Variants in KLHL25 observed in about 807,000 individuals in gnomAD.
The protein encoded by KLHL25 is kelch like family member 25.
A neutral mutation model predicts 30.0 loss-of-function variants in KLHL25; 41 were observed. The ratio of observed to expected loss-of-function variants is 1.37; its 90% CI spans 1.07 to 1.78. The LOEUF is 1.78. Ranked by LOEUF, KLHL25 falls within the 40% of genes most tolerant of loss-of-function variation. The probability of loss-of-function intolerance (pLI) is 0.00; values close to 1 mark genes in which losing one functional copy is unlikely to be tolerated. For missense variants in KLHL25, 971 were observed against 824.5 expected (o/e 1.18, Z -2.18); for synonymous variants, 399 against 355.3 (o/e 1.12, Z -1.38).
chr15:85,790,072 G>C (rs967062275), intron 1 of KLHL25, among the ~76,000 whole-genome samples: 3 of 152,160 alleles, frequency 2.0e-5, no homozygotes, highest in African/African-American at 7.2e-5. Flanking sequence ...GCTGGAACTA[G>C]AACCCCATTC....
rs1165287854 is a variant in KLHL25 at position 85,769,708 on chromosome 15, G to A, written c.103C>T (p.His35Tyr). 12 of 1,613,842 alleles carry A rather than the reference G, an allele frequency of 7.4e-6. No homozygotes were observed. In the African/African-American group the frequency reaches 9.3e-5, roughly 13 times the overall value. Reference sequence around the variant, plus strand: ...CAGTGCTTGCGAAGCGTGTTGAGGTGGGCCAGCACACAGTCCGGGTGGGAG... The same window carrying A: ...CAGTGCTTGCGAAGCGTGTTGAGGTAGGCCAGCACACAGTCCGGGTGGGAG... ...KASHPDCVLA[H>Y]LNTLRKHCMF... The change falls in exon 2 of 3, where the codon CAC (histidine) becomes TAC (tyrosine). Residue 35 changes from histidine to tyrosine, a missense_variant. Physicochemically the swap from His to Tyr is moderately conservative, Grantham distance 83. Coordinates refer to ENST00000337975, the MANE Select transcript of KLHL25 (RefSeq NM_022480.4).
chr15:85,788,553 G>GAAACC (rs1235171552), intron 1 of KLHL25, among the ~76,000 whole-genome samples: 1 of 151,972 alleles, frequency 6.6e-6, no homozygotes, highest in East Asian at 1.9e-4. Flanking sequence ...TTGAAATGAG[G>GAAACC]AAACCAACAG....
intron 1 of KLHL25, among the ~76,000 whole-genome samples, chr15:85,775,984 C>T (rs1234106287): frequency 2.0e-5 from 3 of 151,236 alleles, no homozygotes; most frequent in Non-Finnish European, 4.4e-5. Flanking sequence ...CCAGCCTGGC[C>T]AACATGGTGA....
At chr15:85,765,793 T>C (rs989836797) in intron 2 of KLHL25, among the ~76,000 whole-genome samples, 4 of 141,400 alleles carry the variant, frequency 2.8e-5, no homozygotes, top group African/African-American at 1.1e-4. Context: ...GATCGTACCC[T>C]GCACTCTAGC....
In KLHL25 at chr15:85,760,925, C is replaced by T. The variant is rs745422129; in HGVS notation, c.*111G>A. 1 of 152,402 alleles carries T rather than the reference C, an allele frequency of 6.6e-6. No individual in the cohort carries two copies. Among genetic ancestry groups the T allele is most frequent in the Admixed American group, 6.5e-5 (1 of 15,292 alleles). The allele number at this position is 152,402 out of a possible 1,614,324, so 9.4% of individuals were successfully genotyped here. ...CTCCCCAGAGCTGGCAGGGCCCCTT[C>T]CACCTCTCGGAGTGCTGGCCCAGGG... On this transcript the variant is annotated 3_prime_UTR_variant, in exon 3 of 3. Transcript: ENST00000337975.
rs561254606 is a variant in KLHL25 at position 85,759,820 on chromosome 15, C to T, written c.*1216G>A. On this transcript the variant is annotated 3_prime_UTR_variant, in exon 3 of 3. Transcript: ENST00000337975. The stretch of plus-strand genomic sequence containing the variant: ...CCCAAGTTTGGACACCCTGCCCAGT[C>T]CCTGTCAGGGCACCAACACCCCTCC... The T allele has an allele frequency of 2.0e-5, 3 of 152,438 alleles. No homozygotes were observed. In the South Asian group the frequency reaches 6.2e-4, roughly 32 times the overall value. The allele number at this position is 152,438 out of a possible 1,614,324, so 9.4% of individuals were successfully genotyped here.
chr15:85,782,424 G>A (rs985243240), intron 1 of KLHL25, among the ~76,000 whole-genome samples: 1 of 151,654 alleles, frequency 6.6e-6, no homozygotes, highest in Non-Finnish European at 1.5e-5. Flanking sequence ...AGCCTTCAAG[G>A]AGGCTTTCAC....
In KLHL25 at chr15:85,768,719, T is replaced by C. The variant is rs149365451; in HGVS notation, c.1092A>G (p.Val364=). The change falls in exon 2 of 3, where the codon GTA becomes GTG. Residue 364 remains valine, a synonymous_variant. Transcript: ENST00000337975. ...VSKDVWVYDT[V]HEEWSKAAPM... ...GCGCCGCCTTGGACCATTCCTCATG[T>C]ACGGTGTCGTACACCCAGACATCCT... 2.8e-4 allele frequency: 454 copies of C among 1,613,472 alleles called. 1 individual carries two copies. The highest frequency in any genetic ancestry group is 3.4e-4 in the Non-Finnish European group (405 of 1,179,946).
At chr15:85,763,098 C>T (rs1421479450) in intron 2 of KLHL25, 1 of 152,248 alleles carries the variant, frequency 6.6e-6, no homozygotes, top group Non-Finnish European at 1.5e-5. Flanking sequence ...TACGGGGTGC[C>T]CAGTGGGAGA....
intron 2 of KLHL25, chr15:85,763,001 G>C (rs893719286): frequency 6.7e-6 from 1 of 148,206 alleles, no homozygotes; most frequent in Non-Finnish European, 1.5e-5. Context: ...TCGGCAGCCG[G>C]ATGCCTGCCT....
intron 1 of KLHL25, among the ~76,000 whole-genome samples, chr15:85,794,114 C>T (rs2151815044): frequency 6.6e-6 from 1 of 152,314 alleles, no homozygotes; most frequent in East Asian, 1.9e-4. Context: ...TAATTAGAGT[C>T]AGGCTAGAGG....
chr15:85,783,892 G>A (rs1304579914), intron 1 of KLHL25, among the ~76,000 whole-genome samples: 1 of 152,140 alleles, frequency 6.6e-6, no homozygotes, highest in Non-Finnish European at 1.5e-5. Flanking sequence ...ACTGGTCCAA[G>A]ATACTGAAAT....
chr15:85,781,316 G>C (rs766732379), intron 1 of KLHL25, among the ~76,000 whole-genome samples: 19 of 152,178 alleles, frequency 1.2e-4, no homozygotes, highest in Non-Finnish European at 1.8e-4. Context: ...TCGGCCATTT[G>C]GAAAACATCG....
chr15:85,778,281 G>A (rs1217393365), intron 1 of KLHL25, among the ~76,000 whole-genome samples: 1 of 152,118 alleles, frequency 6.6e-6, no homozygotes, highest in African/African-American at 2.4e-5. Flanking sequence ...CATCTCACTG[G>A]CCAAATCCAG....
intron 2 of KLHL25, chr15:85,761,314 T>C (rs941285828): frequency 1.3e-5 from 2 of 152,240 alleles, no homozygotes; most frequent in Non-Finnish European, 2.9e-5. Context: ...TTGATTCGAA[T>C]GGCCAGGCCG....
At chr15:85,780,529 T>C (rs2089736521) in intron 1 of KLHL25, among the ~76,000 whole-genome samples, 1 of 152,150 alleles carries the variant, frequency 6.6e-6, no homozygotes, top group Non-Finnish European at 1.5e-5. Flanking sequence ...GGCCTAGATA[T>C]CACTTTCAAT....
chr15:85,792,027 G>C (rs1054102903), intron 1 of KLHL25, among the ~76,000 whole-genome samples: 1 of 152,176 alleles, frequency 6.6e-6, no homozygotes, highest in African/African-American at 2.4e-5. Flanking sequence ...GCCCCAGAAG[G>C]ACCTGGAGGC....
At position 85,768,534 on chromosome 15, in the gene KLHL25, A is replaced by G. The variant is rs2089641020; in HGVS notation, c.1277T>C (p.Met426Thr). The G allele has an allele frequency of 7.4e-6, 12 of 1,613,626 alleles. No homozygotes were observed. The highest frequency in any genetic ancestry group is 1.0e-5 in the Non-Finnish European group (12 of 1,179,842). Residue 426 changes from methionine (M) to threonine (T), a missense_variant, in exon 2 of 3, where the codon ATG (methionine) becomes ACG (threonine). By Grantham distance (81) the Met-to-Thr change is moderately conservative. Coordinates refer to ENST00000337975, the MANE Select transcript of KLHL25 (RefSeq NM_022480.4). ...GACGCCATCCCGCAAGGGGGCCACC[A>G]TCATCCACTTGTTGGCCCCAGGGTC... ...KYDPGANKWM[M>T]VAPLRDGVSN...
At chr15:85,766,320 G>T (rs2089625405) in intron 2 of KLHL25, among the ~76,000 whole-genome samples, 1 of 152,178 alleles carries the variant, frequency 6.6e-6, no homozygotes, top group Non-Finnish European at 1.5e-5. Context: ...TGCCCCTATT[G>T]CAGGGGTGAG....
Sources: allele counts gnomAD v4.1 joint callset (sites outside exome capture counted in the v4.1 genomes callset), GRCh38; gene constraint gnomAD v4.1.1; transcripts MANE v1.5; gene names NCBI Gene and HGNC (gene_info 2026-07-23, HGNC 2026-07-21).